Variants in ATP8A1 observed in about 807,000 individuals in gnomAD.
ATP8A1 encodes phospholipid-transporting ATPase IA.
ATP8A1 carries 90 observed loss-of-function variants against 177.7 expected under a neutral mutation model. The observed-to-expected ratio is 0.51, with a 90% CI of 0.43 to 0.60. ATP8A1 has a LOEUF of 0.60. Among genes scored for constraint, ATP8A1 ranks in the 20% least tolerant of loss-of-function variants. ATP8A1 has a pLI of 0.00. For synonymous variants in ATP8A1, 493 were observed against 485.9 expected (o/e 1.01, Z -0.19); for missense variants, 1,072 against 1,392.8 (o/e 0.77, Z 3.67).
Position 42,507,072 on chromosome 4 carries a change from G to C in ATP8A1, c.2030C>G (p.Ala677Gly). 1 of 1,614,008 alleles carries C rather than the reference G, an allele frequency of 6.2e-7. No individual in the cohort carries two copies. Among genetic ancestry groups the C allele is most frequent in the Non-Finnish European group, 8.5e-7 (1 of 1,179,902 alleles). The change falls in exon 23 of 37, where the codon GCA becomes GGA. Residue 677 changes from alanine (A) to glycine (G), a missense_variant. Physicochemically the swap from Ala to Gly is moderately conservative, Grantham distance 60. Coordinates refer to ENST00000381668, the MANE Select transcript of ATP8A1 (RefSeq NM_006095.2). Reference protein sequence around the residue: ...VPETIETLMKADIKIWILTGD... With the variant: ...VPETIETLMKGDIKIWILTGD... ...TGTAAGGATCCAGATTTTGATGTCT[G>C]CTTTCATTAGCGTTTCTATGGTTTC... is the stretch of plus-strand genomic sequence containing the variant.
At chr4:42,638,421 G>A (rs1739605450) in intron 1 of ATP8A1, among the ~76,000 whole-genome samples, 1 of 152,192 alleles carries the variant, frequency 6.6e-6, no homozygotes, top group African/African-American at 2.4e-5. Flanking sequence ...GAGTACTCCT[G>A]ACATTCAGAA....
Position 42,467,458 on chromosome 4 carries a change from C to T in ATP8A1, c.2325-2382G>A, listed in dbSNP as rs571974276. ...CCTGTAATTCCAGCACTTTGGGAGGCTGAGGTGAGCGGATCACGAGGTCAG... is the reference window on the plus strand; with the variant it reads ...CCTGTAATTCCAGCACTTTGGGAGGTTGAGGTGAGCGGATCACGAGGTCAG... On this transcript the variant is annotated intron_variant, in intron 25 of 36. Transcript: ENST00000381668. Among the ~76,000 whole-genome samples the T allele has an allele frequency of 4.6e-5, 7 of 152,252 alleles. No individual in the cohort carries two copies. The East Asian group carries it at 1.4e-3, about 29-fold the overall frequency.
At chr4:42,619,982 G>A (rs12644751) in intron 4 of ATP8A1, among the ~76,000 whole-genome samples, 3 of 151,954 alleles carry the variant, frequency 2.0e-5, no homozygotes, top group Non-Finnish European at 4.4e-5. Flanking sequence ...CCACCATCAC[G>A]TGTCTTTGAG....
At chr4:42,562,061 G>GCTCAGGTTT (rs1730891494) in intron 15 of ATP8A1, 1 of 152,144 alleles carries the variant, frequency 6.6e-6, no homozygotes, top group Non-Finnish European at 1.5e-5. Context: ...AATAGTAGAG[G>GCTCAGGTTT]CTCAGGTTTC....
chr4:42,410,848 A>G lies in ATP8A1; in HGVS notation c.*2068T>C, dbSNP rs570584888. ...TATTAAAATTCTGCAGAAGGGTGCC[A>G]CTGATGAAGTGAGCGCAAACAGAAG... On this transcript the variant is annotated 3_prime_UTR_variant, in exon 37 of 37. Coordinates refer to ENST00000381668, the MANE Select transcript of ATP8A1 (RefSeq NM_006095.2). 1.8e-4 allele frequency: 27 copies of G among 152,334 alleles called. No homozygotes were observed. The highest frequency in any genetic ancestry group is 4.1e-4 in the African/African-American group (17 of 41,578). 9.4% of individuals were successfully genotyped at this position (152,334 alleles called of 1,614,324 possible).
chr4:42,600,728 T>C (rs1323364641), intron 5 of ATP8A1, among the ~76,000 whole-genome samples: 3 of 152,146 alleles, frequency 2.0e-5, no homozygotes, highest in Non-Finnish European at 2.9e-5. Context: ...ACAACATCAC[T>C]AACAGAGAGC....
chr4:42,435,440 A>AC (rs1262423828), intron 33 of ATP8A1, among the ~76,000 whole-genome samples: 13 of 89,734 alleles, frequency 1.4e-4, no homozygotes, highest in African/African-American at 3.8e-4. Flanking sequence ...AAAAAAAAAA[A>AC]AAAAAAAAAC....
At chr4:42,630,603 C>G (rs893967215) in intron 1 of ATP8A1, among the ~76,000 whole-genome samples, 4 of 152,182 alleles carry the variant, frequency 2.6e-5, no homozygotes, top group Non-Finnish European at 5.9e-5. Flanking sequence ...TGGTATCTCT[C>G]TCAGCTTTTC....
intron 25 of ATP8A1, among the ~76,000 whole-genome samples, chr4:42,485,001 C>T (rs1722049372): frequency 6.6e-6 from 1 of 152,214 alleles, no homozygotes; most frequent in Admixed American, 6.5e-5. Context: ...ATGAATTAGG[C>T]CTTGATAACT....
chr4:42,480,006 G>GTGTGTGTGTGTGTT (rs1721500947), intron 25 of ATP8A1, among the ~76,000 whole-genome samples: 2 of 149,534 alleles, frequency 1.3e-5, no homozygotes, highest in African/African-American at 4.9e-5. Flanking sequence ...TTGTGTGTGT[G>GTGTGTGTGTGTGTT]TGTGTGTGTG....
chr4:42,647,496 T>C (rs1047968259), intron 1 of ATP8A1, among the ~76,000 whole-genome samples: 1 of 151,812 alleles, frequency 6.6e-6, no homozygotes, highest in Non-Finnish European at 1.5e-5. Context: ...AATATTGAAA[T>C]AATATTTTGG....
chr4:42,537,132 CAAAA>C (rs201979731), intron 20 of ATP8A1, among the ~76,000 whole-genome samples: 2 of 99,310 alleles, frequency 2.0e-5, no homozygotes, highest in East Asian at 4.5e-4. Context: ...AACTCCGTCT[CAAAA>C]AAAAAAAAAA....
rs369456673 is a variant in ATP8A1 at position 42,475,911 on chromosome 4, C to T, written c.2324+9585G>A. On this transcript the variant is annotated intron_variant, in intron 25 of 36. Transcript: ENST00000381668. ...AAAGTTAGCTGGGTGTGGTGGCGGGCGCCTGTAATCCCAGCTACTCGGGAG... is the reference window on the plus strand; with the variant it reads ...AAAGTTAGCTGGGTGTGGTGGCGGGTGCCTGTAATCCCAGCTACTCGGGAG... Among the ~76,000 whole-genome samples, 25 of 151,924 alleles carry T rather than the reference C, an allele frequency of 1.6e-4. No homozygotes were observed. The East Asian group carries it at 2.5e-3, about 15-fold the overall frequency.
At chr4:42,507,758 C>CAAAAAAAAAA (rs1724543723) in intron 22 of ATP8A1, among the ~76,000 whole-genome samples, 1 of 8,994 alleles carries the variant, frequency 1.1e-4, no homozygotes. Flanking sequence ...AAAAAAAAGT[C>CAAAAAAAAAA]AGTTAAAAAG....
chr4:42,455,297 C>T lies in ATP8A1; in HGVS notation c.2817G>A (p.Lys939=). The T allele has an allele frequency of 1.2e-6, 2 of 1,613,598 alleles. No homozygotes were observed. Among genetic ancestry groups the T allele is most frequent in the Non-Finnish European group, 1.7e-6 (2 of 1,179,632 alleles). ...TCCCAGCCAGGGCACTGTGTCCTAC[C>T]TTGGTGTTGAAGTCCAGGGCATTCT... is the stretch of plus-strand genomic sequence containing the variant. The part of the protein sequence containing the change: ...TSQNALDFNT[K]VFWVHCLNGL... Residue 939 remains lysine, a splice_region_variant and synonymous_variant, in exon 29 of 37, where the codon AAG becomes AAA. Transcript: ENST00000381668.
At chr4:42,477,866 C>T in intron 25 of ATP8A1, among the ~76,000 whole-genome samples, 1 of 151,306 alleles carries the variant, frequency 6.6e-6, no homozygotes, top group Non-Finnish European at 1.5e-5. Context: ...GCCTGTTATC[C>T]CAGCTACTCA....
In ATP8A1 at chr4:42,579,937, C is replaced by T. The variant is rs757022147; in HGVS notation, c.876G>A (p.Arg292=). The change falls in exon 11 of 37, where the codon CGG becomes CGA. Residue 292 remains arginine, a synonymous_variant. Transcript: ENST00000381668. ...SPPLKLSNVE[R]ITNVQILILF... ...AAATCAAAATTTGTACATTTGTAAT[C>T]CGTTCCACATTTGAGAGCTTAAGTG... is the stretch of plus-strand genomic sequence containing the variant. The T allele has an allele frequency of 1.2e-6, 2 of 1,611,868 alleles. No homozygotes were observed. The highest frequency in any genetic ancestry group is 1.1e-5 in the South Asian group (1 of 90,680).
intron 32 of ATP8A1, 67 bp from the exon 33 acceptor site, chr4:42,443,739 C>T (rs902379218): frequency 1.3e-6 from 1 of 743,988 alleles, no homozygotes; most frequent in Admixed American, 2.0e-5. Context: ...ACTAATGAAA[C>T]TCTCTCAAAT....
intron 1 of ATP8A1, among the ~76,000 whole-genome samples, chr4:42,649,940 G>A (rs1324370961): frequency 1.2e-4 from 18 of 152,174 alleles, no homozygotes; most frequent in Admixed American, 1.2e-3. Flanking sequence ...CCCTTAGGGA[G>A]CTTACTACCC....
Sources: gnomAD v4.1 joint callset for allele counts (sites outside exome capture counted in the v4.1 genomes callset) on GRCh38, gnomAD v4.1.1 for gene constraint, MANE v1.5 for transcripts, NCBI Gene and HGNC (gene_info 2026-07-23, HGNC 2026-07-21) for gene names.